The following SASH1 variants were observed in gnomAD, a reference collection of about 807,000 sequenced individuals.
SASH1 encodes the protein SAM and SH3 domain containing 1.
A neutral mutation model predicts 125.2 loss-of-function variants in SASH1; 44 were observed. The observed-to-expected ratio is 0.35, with a 90% CI of 0.28 to 0.45. The LOEUF (loss-of-function observed/expected upper bound fraction) is 0.45, where lower values mean the gene tolerates loss of function less well. Among genes scored for constraint, SASH1 ranks in the 20% least tolerant of loss-of-function variants. The pLI is 1.00. For synonymous variants in SASH1, 639 were observed against 649.1 expected (o/e 0.98, Z 0.24); for missense variants, 1,426 against 1,614.5 (o/e 0.88, Z 2.00).
At chr6:148,524,119 A>ATG (rs1404681101) in intron 10 of SASH1, among the ~76,000 whole-genome samples, 1 of 125,156 alleles carries the variant, frequency 8.0e-6, no homozygotes, top group South Asian at 2.7e-4. Context: ...ATATATATAT[A>ATG]TATTTTTTTT....
At chr6:148,470,413 G>A (rs1333765812) in intron 5 of SASH1, among the ~76,000 whole-genome samples, 1 of 152,188 alleles carries the variant, frequency 6.6e-6, no homozygotes, top group Non-Finnish European at 1.5e-5. Flanking sequence ...TGTTTCCAGT[G>A]GCCATGGAGC....
At chr6:148,262,330 G>C in the SASH1 span, among the ~76,000 whole-genome samples, 1 of 152,158 alleles carries the variant, frequency 6.6e-6, no homozygotes. Context: ...CTCATGCAGA[G>C]GAGAACCCAT....
chr6:148,334,250 CT>C (rs1442636805), intron 1 of SASH1, among the ~76,000 whole-genome samples: 493 of 144,390 alleles, frequency 3.4e-3, no homozygotes, highest in Middle Eastern at 0.034. Context: ...CGGTGAAACC[CT>C]GTCTCTACTA....
intron 1 of SASH1, among the ~76,000 whole-genome samples, chr6:148,388,713 C>T (rs964706545): frequency 6.6e-6 from 1 of 152,210 alleles, no homozygotes; most frequent in Admixed American, 6.5e-5. Flanking sequence ...GGGTGTAGGT[C>T]TTTAGCAGAA....
At chr6:148,274,583 GA>G (rs1029220068) in intron 1 of SASH1, among the ~76,000 whole-genome samples, 2 of 152,206 alleles carry the variant, frequency 1.3e-5, no homozygotes, top group African/African-American at 4.8e-5. Context: ...AACTCAGACA[GA>G]AAGGGGAATT....
chr6:148,470,661 T>C (rs557963734), intron 5 of SASH1, among the ~76,000 whole-genome samples: 1 of 152,196 alleles, frequency 6.6e-6, no homozygotes, highest in Non-Finnish European at 1.5e-5. Flanking sequence ...TGTTTTCACT[T>C]GAAAGTCACC....
intron 4 of SASH1, 112 bp from the exon 5 acceptor site, chr6:148,468,433 T>G (rs1211495622): frequency 1.3e-6 from 1 of 748,074 alleles, no homozygotes; most frequent in Non-Finnish European, 2.2e-6. Context: ...CTATAACAAT[T>G]TCCCTGGCTG....
intron 2 of SASH1, among the ~76,000 whole-genome samples, chr6:148,411,027 C>T (rs753018943): frequency 6.6e-6 from 1 of 151,836 alleles, no homozygotes; most frequent in Non-Finnish European, 1.5e-5. Flanking sequence ...GGCATGGTGG[C>T]GCATGCCTGT....
At chr6:148,260,616 A>AG in the SASH1 span, among the ~76,000 whole-genome samples, 3 of 151,902 alleles carry the variant, frequency 2.0e-5, no homozygotes, top group African/African-American at 7.3e-5. Flanking sequence ...TAAAAAAAAA[A>AG]AAAAAAAGAT....
chr6:148,421,157 G>GGAAGGAAGGAAGGAAGGAAGA (rs1317403460), intron 2 of SASH1, among the ~76,000 whole-genome samples: 1 of 83,654 alleles, frequency 1.2e-5, no homozygotes, highest in Non-Finnish European at 2.6e-5. Flanking sequence ...AAGAAAGAAA[G>GGAAGGAAGGAAGGAAGGAAGA]AAAGAAAGAA....
chr6:148,425,808 GGCAACCT>G (rs1327384998), intron 2 of SASH1, among the ~76,000 whole-genome samples: 3 of 147,144 alleles, frequency 2.0e-5, no homozygotes, highest in Non-Finnish European at 4.5e-5. Flanking sequence ...CTTGGCTCAC[GGCAACCT>G]CTGCCTCCTA....
rs1196458172 is a variant in SASH1, at chr6:148,511,366, CACACACA to C, written c.730-2957_730-2951del. Among the ~76,000 whole-genome samples the C allele has an allele frequency of 6.0e-5, 9 of 148,950 alleles. No homozygotes were observed. The East Asian group carries it at 8.0e-4, about 13-fold the overall frequency. On this transcript the variant is annotated intron_variant, in intron 8 of 19. Transcript: ENST00000367467. ...ACACACACACACACACACACACACACACACACACCTTGGATGACCTGGATTTTATATT... is the reference window on the plus strand; with the variant it reads ...ACACACACACACACACACACACACACCCTTGGATGACCTGGATTTTATATT...
At chr6:148,316,123 T>C (rs1222794543) in intron 1 of SASH1, among the ~76,000 whole-genome samples, 1 of 152,200 alleles carries the variant, frequency 6.6e-6, no homozygotes, top group African/African-American at 2.4e-5. Context: ...GTAAAACCTT[T>C]ATTATTTTTC....
At chr6:148,472,894 G>A (rs969013806) in intron 6 of SASH1, among the ~76,000 whole-genome samples, 2 of 152,196 alleles carry the variant, frequency 1.3e-5, no homozygotes, top group Non-Finnish European at 2.9e-5. Context: ...TAAAAAGTAT[G>A]AATGAGAAAG....
chr6:148,305,795 G>T (rs148844503), intron 1 of SASH1, among the ~76,000 whole-genome samples: 1 of 152,096 alleles, frequency 6.6e-6, no homozygotes, highest in East Asian at 1.9e-4. Context: ...AGATAGTGAC[G>T]CACCAGAAAC....
the SASH1 span, among the ~76,000 whole-genome samples, chr6:148,230,704 T>C: frequency 2.0e-5 from 3 of 152,236 alleles, no homozygotes; most frequent in African/African-American, 7.2e-5. Context: ...ATAGCCACTC[T>C]AGTGGGTGTC....
At chr6:148,461,390 TGACAAA>T (rs1387156379) in intron 4 of SASH1, among the ~76,000 whole-genome samples, 1 of 152,242 alleles carries the variant, frequency 6.6e-6, no homozygotes, top group Non-Finnish European at 1.5e-5. Flanking sequence ...TTGACCGGCT[TGACAAA>T]ATGTCACCCA....
chr6:148,473,441 A>G (rs1408844977), intron 6 of SASH1, among the ~76,000 whole-genome samples: 1 of 152,008 alleles, frequency 6.6e-6, no homozygotes, highest in East Asian at 1.9e-4. Context: ...TTTAGTGGAG[A>G]TGGGGTTTCA....
intron 4 of SASH1, among the ~76,000 whole-genome samples, chr6:148,460,253 T>C (rs1389217620): frequency 6.6e-6 from 1 of 152,200 alleles, no homozygotes; most frequent in Non-Finnish European, 1.5e-5. Context: ...TTGAGACATC[T>C]TATATAGAAG....
Sources: allele counts gnomAD v4.1 joint callset (sites outside exome capture counted in the v4.1 genomes callset), GRCh38; gene constraint gnomAD v4.1.1; transcripts MANE v1.5; gene names NCBI Gene and HGNC (gene_info 2026-07-23, HGNC 2026-07-21).